Variants in JAK2 observed in about 807,000 individuals in gnomAD.
JAK2 encodes the protein Janus kinase 2, also known as tyrosine-protein kinase JAK2.
A neutral mutation model predicts 139.3 loss-of-function variants in JAK2; 86 were observed. The observed-to-expected ratio is 0.62, with a 90% CI of 0.52 to 0.74. JAK2 has a LOEUF of 0.74. Ranked by LOEUF, JAK2 falls within the 30% of genes least tolerant of loss-of-function variation. The pLI is 0.00. For missense variants in JAK2, 1,421 were observed against 1,360.3 expected, an observed-to-expected ratio of 1.04 and a Z score of -0.70; for synonymous variants, 490 against 437.7, an observed-to-expected ratio of 1.12 and a Z score of -1.49.
Position 5,112,604 on chromosome 9 carries a change from G to A in JAK2, c.3060-10400G>A, listed in dbSNP as rs962119680. 4.9e-6 allele frequency: 4 copies of A among 812,116 alleles called. No homozygotes were observed. In the African/African-American group the frequency reaches 7.1e-5, roughly 14 times the overall value. The allele number at this position is 812,116 out of a possible 1,614,324, so 50.3% of individuals were successfully genotyped here. A position where few individuals can be genotyped will look rare whatever the true frequency, so the allele number is the denominator to read the frequency against. On this transcript the variant is annotated intron_variant, in intron 22 of 24. Coordinates refer to ENST00000381652, the MANE Select transcript of JAK2 (RefSeq NM_004972.4). ...CCTTAAGAGGGCTCTTAAGGAGCTG[G>A]GGCGCATGTGGCAACTGCACCTCAA...
intron 4 of JAK2, among the ~76,000 whole-genome samples, chr9:5,038,585 T>G (rs1816245334): frequency 7.4e-6 from 1 of 135,182 alleles, no homozygotes; most frequent in Non-Finnish European, 1.5e-5. Flanking sequence ...CAGAAGTGTT[T>G]TGGATTTTAG....
chr9:5,070,324 A>G (rs967825040), intron 12 of JAK2, among the ~76,000 whole-genome samples: 1 of 152,136 alleles, frequency 6.6e-6, no homozygotes, highest in Non-Finnish European at 1.5e-5. Context: ...AAAATCTACA[A>G]AGACCTATAT....
At chr9:5,030,920 G>C (rs538905763) in intron 4 of JAK2, among the ~76,000 whole-genome samples, 1 of 151,976 alleles carries the variant, frequency 6.6e-6, no homozygotes, top group South Asian at 2.1e-4. Flanking sequence ...AATAATAGAT[G>C]TACAAAAATC....
intron 14 of JAK2, among the ~76,000 whole-genome samples, chr9:5,075,970 C>T (rs1819282703): frequency 1.3e-5 from 2 of 152,096 alleles, no homozygotes; most frequent in African/African-American, 4.8e-5. Flanking sequence ...CATTCTAACC[C>T]TCCTGGATGA....
chr9:5,120,969 A>G (rs951853826), intron 22 of JAK2, among the ~76,000 whole-genome samples: 2 of 152,178 alleles, frequency 1.3e-5, no homozygotes, highest in Admixed American at 1.3e-4. Context: ...GCACTAAACA[A>G]AGGTCAAAGA....
intron 18 of JAK2, 126 bp from the exon 19 acceptor site, chr9:5,081,599 T>C: frequency 7.9e-6 from 5 of 635,690 alleles, no homozygotes; most frequent in Non-Finnish European, 1.1e-5. Context: ...TTGAAACTAT[T>C]TGAGTTTCCC....
intron 22 of JAK2, among the ~76,000 whole-genome samples, chr9:5,092,542 G>C (rs554824930): frequency 6.6e-6 from 1 of 152,112 alleles, no homozygotes; most frequent in Admixed American, 6.5e-5. Context: ...ATTTACCTTA[G>C]ACAAAAGAAT....
chr9:5,050,929 A>G, intron 6 of JAK2, 98 bp downstream of exon 6: 1 of 982,472 alleles, frequency 1.0e-6, no homozygotes, highest in Non-Finnish European at 1.6e-6. Flanking sequence ...TTGATTTTGT[A>G]ATACTAGTTA....
intron 23 of JAK2, among the ~76,000 whole-genome samples, chr9:5,124,947 A>T (rs921114723): frequency 5.3e-5 from 8 of 151,724 alleles, no homozygotes; most frequent in Non-Finnish European, 1.2e-4. Flanking sequence ...AATTTTTAAA[A>T]AGGGGATATT....
chr9:5,102,615 G>A (rs1821597108), intron 22 of JAK2, among the ~76,000 whole-genome samples: 1 of 152,078 alleles, frequency 6.6e-6, no homozygotes, highest in Non-Finnish European at 1.5e-5. Flanking sequence ...TTGAAATGAA[G>A]GAAAAAAATG....
intron 3 of JAK2, among the ~76,000 whole-genome samples, chr9:5,022,565 A>G (rs998398625): frequency 5.9e-5 from 9 of 152,382 alleles, no homozygotes; most frequent in South Asian, 2.1e-4. Flanking sequence ...ATGTTTTGAA[A>G]TATGTATTTG....
In JAK2 at chr9:5,054,953, T is replaced by C; in HGVS notation, c.936+69T>C. Reference sequence around the variant, plus strand: ...CAATGGAAATAAAAACAAAGTAATTTTAATCATTTGCAACATGGTATTGCA... The same window carrying C: ...CAATGGAAATAAAAACAAAGTAATTCTAATCATTTGCAACATGGTATTGCA... On this transcript the variant is annotated intron_variant, in intron 7 of 24. Coordinates refer to ENST00000381652, the MANE Select transcript of JAK2 (RefSeq NM_004972.4). The surrounding 1 kb of genome is among the most constrained non-coding windows in gnomAD (Gnocchi z 4.9). 1 of 1,210,702 alleles carries C rather than the reference T, an allele frequency of 8.3e-7. No individual in the cohort carries two copies. The highest frequency in any genetic ancestry group is 1.6e-5 in the South Asian group (1 of 62,330). 75.0% of individuals were successfully genotyped at this position (1,210,702 alleles called of 1,614,324 possible).
At chr9:5,073,862 A>T in intron 14 of JAK2, 77 bp downstream of exon 14, 4 of 933,342 alleles carry the variant, frequency 4.3e-6, no homozygotes, top group Non-Finnish European at 6.8e-6. Flanking sequence ...CAGTTTCAGG[A>T]TCACAGCTAG....
At chr9:5,094,912 ACAACCAACT>A (rs1820868929) in intron 22 of JAK2, 1 of 152,138 alleles carries the variant, frequency 6.6e-6, no homozygotes, top group Non-Finnish European at 1.5e-5. Flanking sequence ...CAATTCCACT[ACAACCAACT>A]CATATACCTT....
intron 22 of JAK2, chr9:5,114,458 G>A (rs1171393982): frequency 1.1e-5 from 5 of 474,622 alleles, no homozygotes; most frequent in Non-Finnish European, 2.1e-5. Context: ...CCCACCTGCA[G>A]TCCACGACCA....
intron 2 of JAK2, among the ~76,000 whole-genome samples, chr9:4,986,899 G>T (rs906610746): frequency 1.2e-4 from 19 of 152,292 alleles, no homozygotes; most frequent in African/African-American, 4.3e-4. Flanking sequence ...TCATGTTGGT[G>T]CTCAAAATGT....
chr9:5,018,448 T>G (rs1587832375), intron 2 of JAK2, among the ~76,000 whole-genome samples: 2 of 152,270 alleles, frequency 1.3e-5, no homozygotes, highest in South Asian at 4.1e-4. Context: ...GTGATCCTTC[T>G]GCCTCAGCCT....
At chr9:4,998,551 G>A (rs911648753) in intron 2 of JAK2, among the ~76,000 whole-genome samples, 3 of 151,950 alleles carry the variant, frequency 2.0e-5, no homozygotes, top group African/African-American at 7.3e-5. Context: ...CACCATGCCC[G>A]GCCAAAAACT....
chr9:5,051,176 G>C (rs543328887), intron 6 of JAK2, among the ~76,000 whole-genome samples: 1 of 152,258 alleles, frequency 6.6e-6, no homozygotes, highest in East Asian at 1.9e-4. Context: ...ATATGGGTAA[G>C]TTTTATATCT....
Sources: allele counts gnomAD v4.1 joint callset (sites outside exome capture counted in the v4.1 genomes callset), GRCh38; gene constraint gnomAD v4.1.1; non-coding constraint Gnocchi (gnomAD v3.1); transcripts MANE v1.5; gene names NCBI Gene and HGNC (gene_info 2026-07-23, HGNC 2026-07-21).